Variants in PDGFD observed in about 807,000 individuals in gnomAD.
PDGFD encodes platelet-derived growth factor D.
In PDGFD, 30 loss-of-function variants were observed where a neutral mutation model predicts 44.7. The ratio of observed to expected loss-of-function variants is 0.67; its 90% CI spans 0.50 to 0.91. PDGFD has a LOEUF of 0.91. Among genes scored for constraint, PDGFD ranks in the 40% least tolerant of loss-of-function variants. The pLI is 0.00. For missense variants in PDGFD, 445 were observed against 457.8 expected (o/e 0.97, Z 0.25); for synonymous variants, 173 against 168.4 (o/e 1.03, Z -0.21).
chr11:104,023,617 C>G (rs1348865707), intron 1 of PDGFD, among the ~76,000 whole-genome samples: 3 of 151,888 alleles, frequency 2.0e-5, no homozygotes, highest in Non-Finnish European at 4.4e-5. Flanking sequence ...CATGTAAACA[C>G]AATCTACTGT....
chr11:103,936,633 A>C (rs920535535), intron 5 of PDGFD, among the ~76,000 whole-genome samples: 1 of 152,148 alleles, frequency 6.6e-6, no homozygotes, highest in African/African-American at 2.4e-5. Flanking sequence ...TTTAGAGGAA[A>C]ATGTCATGGA....
intron 1 of PDGFD, among the ~76,000 whole-genome samples, chr11:104,149,254 A>C (rs1862209097): frequency 6.6e-6 from 1 of 152,194 alleles, no homozygotes; most frequent in Non-Finnish European, 1.5e-5. Flanking sequence ...TTTAAGTGAA[A>C]GGATGTATAG....
chr11:104,138,758 A>G (rs73603994), intron 1 of PDGFD, among the ~76,000 whole-genome samples: 1,582 of 152,252 alleles, frequency 0.01, 26 homozygotes, highest in African/African-American at 0.036. Context: ...CATAGGGTAC[A>G]GTATGGAGTC....
Position 103,909,393 on chromosome 11 carries a change from C to CAAAA in PDGFD, c.*297_*300dup, listed in dbSNP as rs60621493. ...CTCTGGTGTACCTGGTTATATATAC[C>CAAAA]AAAAAAAACATTTGATCTATATACA... is the stretch of plus-strand genomic sequence containing the variant. On this transcript the variant is annotated 3_prime_UTR_variant, in exon 7 of 7. Coordinates refer to ENST00000393158, the MANE Select transcript of PDGFD (RefSeq NM_025208.5). 0.043 allele frequency: 9,049 copies of CAAAA among 210,598 alleles called. 257 individuals are homozygous for CAAAA. The highest frequency in any genetic ancestry group is 0.096 in the African/African-American group (4,191 of 43,844). The allele number at this position is 210,598 out of a possible 1,614,324, so 13.0% of individuals were successfully genotyped here. A position where few individuals can be genotyped will look rare whatever the true frequency, so the allele number is the denominator to read the frequency against.
At chr11:104,155,561 T>G (rs984269878) in intron 1 of PDGFD, among the ~76,000 whole-genome samples, 5 of 152,208 alleles carry the variant, frequency 3.3e-5, no homozygotes, top group Non-Finnish European at 7.3e-5. Flanking sequence ...TCTTCTGCTG[T>G]GGATATGAGA....
chr11:104,129,247 A>G (rs1355796913), intron 1 of PDGFD, among the ~76,000 whole-genome samples: 1 of 151,192 alleles, frequency 6.6e-6, no homozygotes, highest in Non-Finnish European at 1.5e-5. Context: ...TCCTTTCAGC[A>G]ACTTCAACCT....
chr11:104,155,093 A>T (rs1862289232), intron 1 of PDGFD, among the ~76,000 whole-genome samples: 1 of 152,194 alleles, frequency 6.6e-6, no homozygotes, highest in Non-Finnish European at 1.5e-5. Flanking sequence ...GACTAACACA[A>T]ATCTATCAGT....
Position 103,996,176 on chromosome 11 carries a change from G to A in PDGFD, c.399C>T (p.His133=). Residue 133 remains histidine, a synonymous_variant, in exon 3 of 7, where the codon CAC becomes CAT. Transcript: ENST00000393158. ...STIIRGRWCG[H]KEVPPRIKSR... is the part of the protein sequence containing the mutation. Reference sequence around the variant, plus strand: ...ATTTTATCCTTGGAGGAACTTCCTTGTGTCCACACCATCGTCCTCTAATAA... The same window carrying A: ...ATTTTATCCTTGGAGGAACTTCCTTATGTCCACACCATCGTCCTCTAATAA... 6.2e-7 allele frequency: 1 copy of A among 1,613,446 alleles called. No homozygotes were observed. The highest frequency in any genetic ancestry group is 2.2e-5 in the East Asian group (1 of 44,810).
intron 1 of PDGFD, among the ~76,000 whole-genome samples, chr11:104,035,278 C>A (rs1860207752): frequency 6.6e-6 from 1 of 152,182 alleles, no homozygotes; most frequent in Non-Finnish European, 1.5e-5. Flanking sequence ...CCACACATTC[C>A]ACTTTTTTAC....
At chr11:104,020,434 T>C (rs1446661263) in intron 1 of PDGFD, among the ~76,000 whole-genome samples, 2 of 152,142 alleles carry the variant, frequency 1.3e-5, no homozygotes, top group Non-Finnish European at 1.5e-5. Context: ...ATGGAAGATA[T>C]GTTTCAATCC....
Position 103,947,680 on chromosome 11 carries a change from A to G in PDGFD, c.555T>C (p.Ser185=). Residue 185 remains serine (S), a synonymous_variant, in exon 4 of 7, where the codon TCT becomes TCC. Transcript: ENST00000393158. ...TACTTACTGAAATAGAGCTTGTGACAGATTCCCAGTTGGTCTCTGAAGCTG... is the reference window on the plus strand; with the variant it reads ...TACTTACTGAAATAGAGCTTGTGACGGATTCCCAGTTGGTCTCTGAAGCTG... ...PAAASETNWE[S]VTSSISGVSY... The G allele has an allele frequency of 6.2e-7, 1 of 1,613,508 alleles. No homozygotes were observed. Among genetic ancestry groups the G allele is most frequent in the South Asian group, 1.1e-5 (1 of 91,080 alleles).
chr11:103,911,789 C>T (rs892629167), intron 6 of PDGFD, among the ~76,000 whole-genome samples: 1 of 151,762 alleles, frequency 6.6e-6, no homozygotes, highest in Non-Finnish European at 1.5e-5. Context: ...ACATAAATGA[C>T]CTGATGGAGC....
chr11:103,970,787 G>T (rs898707986), intron 3 of PDGFD, among the ~76,000 whole-genome samples: 20 of 152,096 alleles, frequency 1.3e-4, no homozygotes, highest in Non-Finnish European at 1.8e-4. Context: ...CTCCCTGGGG[G>T]CATAACTAGA....
chr11:104,018,884 T>C (rs2134380432), intron 1 of PDGFD, among the ~76,000 whole-genome samples: 1 of 152,372 alleles, frequency 6.6e-6, no homozygotes, highest in South Asian at 2.1e-4. Context: ...CTGGACTTTT[T>C]AGTTCTTTAG....
intron 6 of PDGFD, among the ~76,000 whole-genome samples, chr11:103,925,673 G>C (rs1246215466): frequency 8.5e-6 from 1 of 117,586 alleles, no homozygotes; most frequent in Non-Finnish European, 1.7e-5. Flanking sequence ...ATGTGTGTGT[G>C]TCTGTGTATA....
chr11:104,071,276 C>T (rs1472369364), intron 1 of PDGFD, among the ~76,000 whole-genome samples: 1 of 151,570 alleles, frequency 6.6e-6, no homozygotes, highest in Non-Finnish European at 1.5e-5. Flanking sequence ...TTCTTTTCAT[C>T]AGTTAAGTTG....
intron 6 of PDGFD, among the ~76,000 whole-genome samples, chr11:103,916,726 G>C (rs923108617): frequency 2.6e-5 from 4 of 152,108 alleles, no homozygotes. Context: ...AAGAAAACAT[G>C]GCACATATAC....
intron 5 of PDGFD, among the ~76,000 whole-genome samples, chr11:103,927,941 A>C (rs1858343838): frequency 6.6e-6 from 1 of 152,192 alleles, no homozygotes; most frequent in Non-Finnish European, 1.5e-5. Flanking sequence ...ATTCATCTGA[A>C]TCTCCCCCTC....
intron 4 of PDGFD, chr11:103,945,528 A>C (rs560031550): frequency 6.6e-6 from 1 of 152,344 alleles, no homozygotes; most frequent in African/African-American, 2.4e-5. Flanking sequence ...AAGAACCACA[A>C]AACTCAAAAT....
Sources: gnomAD v4.1 joint callset for allele counts (sites outside exome capture counted in the v4.1 genomes callset) on GRCh38, gnomAD v4.1.1 for gene constraint, MANE v1.5 for transcripts, NCBI Gene and HGNC (gene_info 2026-07-23, HGNC 2026-07-21) for gene names.